Variants in RARB observed in about 807,000 individuals in gnomAD.
RARB encodes retinoic acid receptor beta, also known as HBV-activated protein.
In RARB, 17 loss-of-function variants were observed where a neutral mutation model predicts 51.9. The ratio of observed to expected loss-of-function variants is 0.33; its 90% CI spans 0.22 to 0.49. The LOEUF is 0.49. RARB is among the 20% of genes least tolerant of loss of function. The pLI is 0.99. For synonymous variants in RARB, 215 were observed against 195.4 expected, an observed-to-expected ratio of 1.10 and a Z score of -0.84; for missense variants, 369 against 550.8, an observed-to-expected ratio of 0.67 and a Z score of 3.30.
rs563064972 is a variant in RARB, at chr3:24,856,034, A to G, written c.-458-2640A>G. 5.6e-4 allele frequency among the ~76,000 whole-genome samples: 84 copies of G among 151,164 alleles called. No individual in the cohort carries two copies. The South Asian group carries it at 6.3e-3, about 11-fold the overall frequency. ...CAAAGTGCTGGGATTACAGGCGTGA[A>G]CCACTGCGCCTGGCCTGAAATCTGC... On this transcript the variant is annotated intron_variant, in intron 1 of 11. Transcript: ENST00000383772.
intron 5 of RARB, among the ~76,000 whole-genome samples, chr3:25,313,444 A>G (rs1055861934): frequency 9.2e-5 from 14 of 152,294 alleles, no homozygotes; most frequent in Non-Finnish European, 1.9e-4. Context: ...GTAGGAAGTA[A>G]CTAGGCTTCC....
chr3:25,411,325 A>G (rs943382037), intron 5 of RARB, among the ~76,000 whole-genome samples: 113 of 152,194 alleles, frequency 7.4e-4, no homozygotes, highest in Non-Finnish European at 5.9e-5. Flanking sequence ...TGAATCAGTG[A>G]TTTTATGAAA....
intron 2 of RARB, among the ~76,000 whole-genome samples, chr3:24,991,448 A>C (rs1206955959): frequency 6.6e-6 from 1 of 151,306 alleles, no homozygotes; most frequent in Admixed American, 6.6e-5. Context: ...TGTCTCAAAA[A>C]AAAAAGAAAA....
At chr3:25,486,951 T>G (rs753340659) in intron 2 of RARB, among the ~76,000 whole-genome samples, 18 of 152,216 alleles carry the variant, frequency 1.2e-4, no homozygotes, top group Non-Finnish European at 2.5e-4. Flanking sequence ...AAGGTTTGGA[T>G]TAGGTCAAGT....
intron 2 of RARB, among the ~76,000 whole-genome samples, chr3:25,040,568 A>G (rs1336832912): frequency 1.3e-5 from 2 of 152,098 alleles, no homozygotes; most frequent in Non-Finnish European, 2.9e-5. Context: ...CCTCATCTCT[A>G]CTAAAAATAC....
intron 5 of RARB, among the ~76,000 whole-genome samples, chr3:25,377,128 C>T (rs1706485943): frequency 6.6e-6 from 1 of 152,058 alleles, no homozygotes; most frequent in African/African-American, 2.4e-5. Flanking sequence ...ATAATGTGAC[C>T]TACAGATGTT....
At chr3:24,961,170 C>T (rs1322385016) in intron 2 of RARB, among the ~76,000 whole-genome samples, 6 of 152,154 alleles carry the variant, frequency 3.9e-5, no homozygotes, top group South Asian at 2.1e-4. Flanking sequence ...ATCTAGAATT[C>T]GATTGCAAAT....
intron 1 of RARB, among the ~76,000 whole-genome samples, chr3:24,849,704 C>T (rs987140680): frequency 1.3e-5 from 2 of 152,228 alleles, no homozygotes; most frequent in South Asian, 2.1e-4. Flanking sequence ...CACTAAACAA[C>T]ACTTCAGCAT....
chr3:25,168,311 C>T (rs1575192178), intron 4 of RARB, among the ~76,000 whole-genome samples: 1 of 152,152 alleles, frequency 6.6e-6, no homozygotes, highest in East Asian at 1.9e-4. Context: ...ACCTCCGCCC[C>T]CCAGGTTCAA....
intron 2 of RARB, among the ~76,000 whole-genome samples, chr3:24,931,594 G>C (rs1461700378): frequency 6.6e-6 from 1 of 152,078 alleles, no homozygotes; most frequent in East Asian, 1.9e-4. Context: ...ATAATGCAGA[G>C]TACAGCAAAG....
At chr3:24,956,137 C>T (rs1046676603) in intron 2 of RARB, among the ~76,000 whole-genome samples, 3 of 152,080 alleles carry the variant, frequency 2.0e-5, no homozygotes, top group African/African-American at 7.2e-5. Context: ...CTGAGCCTTT[C>T]CATTTTCAAA....
intron 5 of RARB, among the ~76,000 whole-genome samples, chr3:25,333,527 C>G (rs981254802): frequency 1.6e-4 from 25 of 152,180 alleles, no homozygotes; most frequent in African/African-American, 5.8e-4. Flanking sequence ...AAAATTAATT[C>G]AAGATGGATT....
intron 2 of RARB, among the ~76,000 whole-genome samples, chr3:24,862,282 G>C (rs1264346553): frequency 6.6e-6 from 1 of 152,154 alleles, no homozygotes; most frequent in African/African-American, 2.4e-5. Flanking sequence ...GCTATTAAAG[G>C]CTATAGTGAT....
chr3:24,904,365 A>G (rs1333486094), intron 2 of RARB, among the ~76,000 whole-genome samples: 3 of 152,212 alleles, frequency 2.0e-5, no homozygotes, highest in Admixed American at 6.5e-5. Flanking sequence ...ATGAACAGAC[A>G]CTTTTCAAAA....
At chr3:25,090,357 G>T (rs1463234270) in intron 3 of RARB, among the ~76,000 whole-genome samples, 1 of 151,986 alleles carries the variant, frequency 6.6e-6, no homozygotes, top group Non-Finnish European at 1.5e-5. Context: ...TAACAGCTTT[G>T]CATTTCAAAA....
intron 3 of RARB, among the ~76,000 whole-genome samples, chr3:25,502,558 C>T (rs548293851): frequency 1.4e-4 from 21 of 152,122 alleles, no homozygotes; most frequent in Non-Finnish European, 2.8e-4. Flanking sequence ...CTTTTATACC[C>T]CTTAGGTTTC....
Position 25,494,253 on chromosome 3 carries a change from G to GCACACGCGCGCACTCACACACACACACA in RARB, c.307-6924_307-6923insGCGCGCACTCACACACACACACACACAC, listed in dbSNP as rs1696900308. Among the ~76,000 whole-genome samples, 16 of 131,968 alleles carry GCACACGCGCGCACTCACACACACACACA rather than the reference G, an allele frequency of 1.2e-4. No homozygotes were observed. The South Asian group carries it at 3.7e-3, about 30-fold the overall frequency. The allele number at this position is 131,968 out of a possible 152,430, so 86.6% of individuals were successfully genotyped here. A position where few individuals can be genotyped will look rare whatever the true frequency, so the allele number is the denominator to read the frequency against. On this transcript the variant is annotated intron_variant, in intron 2 of 7. Transcript: ENST00000330688. ...GCCCCCTTTTCCAGCTGTATCTTAC[G>GCACACGCGCGCACTCACACACACACACA]CACACACACACACACACACACACAC...
chr3:25,007,591 T>TAAAAAAAAAAAAAA (rs1697298957), intron 2 of RARB, among the ~76,000 whole-genome samples: 1 of 17,338 alleles, frequency 5.8e-5, no homozygotes, highest in African/African-American at 5.5e-4. Context: ...TGAGACTGTC[T>TAAAAAAAAAAAAAA]CAAAAAAAAA....
At chr3:24,856,235 C>T (rs1275012651) in intron 1 of RARB, among the ~76,000 whole-genome samples, 3 of 152,078 alleles carry the variant, frequency 2.0e-5, no homozygotes, top group African/African-American at 7.2e-5. Flanking sequence ...CCCAAATGAG[C>T]CAGGTTTTAG....
Sources: gnomAD v4.1 joint callset for allele counts (sites outside exome capture counted in the v4.1 genomes callset) on GRCh38, gnomAD v4.1.1 for gene constraint, MANE v1.5 for transcripts, NCBI Gene and HGNC (gene_info 2026-07-23, HGNC 2026-07-21) for gene names.